MYO16: variants seen among roughly 807,000 people sequenced by gnomAD.
MYO16 encodes the protein unconventional myosin-XVI.
A neutral mutation model predicts 205.3 loss-of-function variants in MYO16; 94 were observed. The observed-to-expected ratio is 0.46, with a 90% confidence interval of 0.39 to 0.54. The LOEUF is 0.54. Among genes scored for constraint, MYO16 ranks in the 20% least tolerant of loss-of-function variants. The pLI is 0.00. For missense variants in MYO16, 2,315 were observed against 2,387.5 expected (o/e 0.97, Z 0.63); for synonymous variants, 988 against 954.0 (o/e 1.04, Z -0.66).
rs117310036 is a variant in MYO16, at chr13:108,700,963, C to T, written c.293-11698C>T. Among the ~76,000 whole-genome samples the T allele has an allele frequency of 9.6e-4, 146 of 152,198 alleles. 1 individual carries two copies. The East Asian group carries it at 0.026, about 27-fold the overall frequency. ...AGACTAAGGAAAAGATGTAAACTGTCTCCAAGAGCACCACAGGAATGCCCC... is the reference window on the plus strand; with the variant it reads ...AGACTAAGGAAAAGATGTAAACTGTTTCCAAGAGCACCACAGGAATGCCCC... On this transcript the variant is annotated intron_variant, in intron 2 of 34. Transcript: ENST00000457511.
chr13:108,907,041 A>G (rs1394014425), intron 15 of MYO16, among the ~76,000 whole-genome samples: 1 of 152,178 alleles, frequency 6.6e-6, no homozygotes, highest in African/African-American at 2.4e-5. Context: ...TGAAGGCATG[A>G]CAATACTTTC....
chr13:108,553,954 C>G, the MYO16 span, among the ~76,000 whole-genome samples: 17 of 152,210 alleles, frequency 1.1e-4, no homozygotes, highest in Non-Finnish European at 1.8e-4. Flanking sequence ...CTGTCTCCCC[C>G]TGTGCTCCTT....
chr13:109,198,760 G>A (rs1396722734), intron 34 of MYO16, among the ~76,000 whole-genome samples: 1 of 152,142 alleles, frequency 6.6e-6, no homozygotes, highest in African/African-American at 2.4e-5. Flanking sequence ...ACCTGCATAT[G>A]TGACTCATAT....
intron 16 of MYO16, among the ~76,000 whole-genome samples, chr13:108,937,573 T>A (rs542464723): frequency 6.6e-6 from 1 of 152,348 alleles, no homozygotes; most frequent in South Asian, 2.1e-4. Context: ...TTTAAAATTC[T>A]TTTTTAATTT....
chr13:108,762,236 G>A (rs9521014), intron 4 of MYO16, among the ~76,000 whole-genome samples: 83,776 of 151,962 alleles, frequency 0.55, 23,294 homozygotes, highest in East Asian at 0.63. Context: ...TCTTTATCCA[G>A]TAGTCCAGGG....
chr13:108,633,561 C>G (rs7339388), intron 1 of MYO16, among the ~76,000 whole-genome samples: 10 of 151,974 alleles, frequency 6.6e-5, no homozygotes, highest in Non-Finnish European at 1.5e-4. Context: ...CCATCCAGAT[C>G]GAGGGTGGGT....
rs1883729824 is a variant in MYO16, at chr13:108,964,873, T to C, written c.2340T>C (p.Ser780=). ...GCTTTTTGGTGAATACCATGAATTC[T>C]TGCCTCCACAGTCAAGATGAACAGA... ...LFSFLVNTMN[S]CLHSQDEQKS... The change falls in exon 20 of 35, where the codon TCT becomes TCC. Residue 780 remains serine (S), a synonymous_variant. Coordinates refer to ENST00000457511, the MANE Select transcript of MYO16 (RefSeq NM_001198950.3). 1 of 1,612,624 alleles carries C rather than the reference T, an allele frequency of 6.2e-7. No homozygotes were observed. Among genetic ancestry groups the C allele is most frequent in the South Asian group, 1.1e-5 (1 of 91,014 alleles).
chr13:108,967,065 C>T (rs1328542271), intron 20 of MYO16, among the ~76,000 whole-genome samples: 3 of 151,814 alleles, frequency 2.0e-5, no homozygotes, highest in Non-Finnish European at 4.4e-5. Context: ...TATATACACA[C>T]AGTAAATATA....
chr13:108,627,163 C>A (rs987187607), upstream of MYO16, among the ~76,000 whole-genome samples: 19 of 151,656 alleles, frequency 1.3e-4, no homozygotes, highest in Non-Finnish European at 2.7e-4. Context: ...TTAATGCCTG[C>A]ATTAGAAATT....
At chr13:108,712,637 C>G (rs1463166143) in intron 2 of MYO16, 24 bp from the exon 3 acceptor site, 3 of 1,607,572 alleles carry the variant, frequency 1.9e-6, no homozygotes, top group Non-Finnish European at 2.6e-6. Context: ...TCTGTAACTC[C>G]ATTCTCCTCT....
chr13:108,780,710 C>A (rs1345394749), intron 4 of MYO16, among the ~76,000 whole-genome samples: 1 of 152,180 alleles, frequency 6.6e-6, no homozygotes, highest in Non-Finnish European at 1.5e-5. Flanking sequence ...TTCAATAAAT[C>A]TTTTCTAGCA....
intron 12 of MYO16, among the ~76,000 whole-genome samples, chr13:108,877,095 G>A (rs1879366109): frequency 6.6e-6 from 1 of 151,908 alleles, no homozygotes; most frequent in African/African-American, 2.4e-5. Context: ...ACACACAACC[G>A]GTTATATTTG....
At chr13:108,704,679 G>T (rs1171218855) in intron 2 of MYO16, among the ~76,000 whole-genome samples, 1 of 151,768 alleles carries the variant, frequency 6.6e-6, no homozygotes, top group Non-Finnish European at 1.5e-5. Context: ...AACCTACATT[G>T]ACACAACCTA....
rs796719781 is a variant in MYO16, at chr13:108,839,420, A to AT, written c.1098-4914dup. On this transcript the variant is annotated intron_variant, in intron 9 of 34. Coordinates refer to ENST00000457511, the MANE Select transcript of MYO16 (RefSeq NM_001198950.3). ...TTATAAGCCTTTTCTTTTCATAGTA[A>AT]TTTTTTTTTCAATTAATAACTATAC... Among the ~76,000 whole-genome samples the AT allele has an allele frequency of 5.4e-4, 81 of 151,356 alleles. 1 individual carries two copies. The highest frequency in any genetic ancestry group is 1.7e-3 in the African/African-American group (72 of 41,264).
chr13:109,129,906 A>T (rs1390913527), intron 31 of MYO16, among the ~76,000 whole-genome samples: 1 of 151,842 alleles, frequency 6.6e-6, no homozygotes, highest in Non-Finnish European at 1.5e-5. Context: ...TAATGAGGGG[A>T]CCACTTTGTC....
chr13:108,658,540 T>C (rs959240069), intron 1 of MYO16, among the ~76,000 whole-genome samples: 2 of 152,082 alleles, frequency 1.3e-5, no homozygotes, highest in Admixed American at 6.6e-5. Context: ...AAGTTAATAA[T>C]TTATTTCTAT....
At chr13:108,520,715 G>A in the MYO16 span, among the ~76,000 whole-genome samples, 2 of 152,174 alleles carry the variant, frequency 1.3e-5, no homozygotes, top group Non-Finnish European at 2.9e-5. Flanking sequence ...TAGTATGGAT[G>A]CATACAATTT....
intron 28 of MYO16, among the ~76,000 whole-genome samples, chr13:109,104,425 T>A (rs1889061720): frequency 6.6e-6 from 1 of 152,166 alleles, no homozygotes; most frequent in African/African-American, 2.4e-5. Flanking sequence ...CTGATCAGAA[T>A]CCTTTTCAAC....
chr13:108,568,156 ATGT>A, the MYO16 span, among the ~76,000 whole-genome samples: 9 of 152,296 alleles, frequency 5.9e-5, no homozygotes, highest in East Asian at 1.9e-4. Flanking sequence ...ATAATGAATA[ATGT>A]TGTGAGCATT....
Sources: gnomAD v4.1 joint callset for allele counts (sites outside exome capture counted in the v4.1 genomes callset) on GRCh38, gnomAD v4.1.1 for gene constraint, MANE v1.5 for transcripts, NCBI Gene and HGNC (gene_info 2026-07-23, HGNC 2026-07-21) for gene names.